The following SMG7 variants were observed in gnomAD, a reference collection of about 807,000 sequenced individuals.
SMG7 encodes the protein nonsense-mediated mRNA decay factor SMG7.
SMG7 carries 34 observed loss-of-function variants against 148.2 expected under a neutral mutation model. The observed-to-expected ratio is 0.23, with a 90% confidence interval of 0.17 to 0.31. The LOEUF (loss-of-function observed/expected upper bound fraction) is 0.31, where lower values mean the gene tolerates loss of function less well. Among genes scored for constraint, SMG7 ranks in the 10% least tolerant of loss-of-function variants. The probability of loss-of-function intolerance (pLI) is 1.00; values close to 1 mark genes in which losing one functional copy is unlikely to be tolerated. For missense variants in SMG7, 1,114 were observed against 1,408.4 expected, an observed-to-expected ratio of 0.79 and a Z score of 3.35; for synonymous variants, 492 against 515.1, an observed-to-expected ratio of 0.96 and a Z score of 0.61.
intron 9 of SMG7, 112 bp downstream of exon 9, chr1:183,533,438 A>C (rs982591638): frequency 1.7e-6 from 2 of 1,170,288 alleles, no homozygotes; most frequent in Non-Finnish European, 2.4e-6. Flanking sequence ...TATTTCTTAC[A>C]CTGAATCAGG....
chr1:183,543,486 A>G (rs951557500), intron 14 of SMG7, among the ~76,000 whole-genome samples: 1 of 151,262 alleles, frequency 6.6e-6, no homozygotes, highest in Non-Finnish European at 1.5e-5. Flanking sequence ...GGGAAAGGCA[A>G]GAAAAAAAAA....
At chr1:183,474,365 C>G (rs1223461001) in intron 1 of SMG7, among the ~76,000 whole-genome samples, 1 of 152,192 alleles carries the variant, frequency 6.6e-6, no homozygotes, top group Admixed American at 6.5e-5. Context: ...GAGTTCAAGA[C>G]CAGCCTGGCC....
rs751781277 is a variant in SMG7 at position 183,549,173 on chromosome 1, A to G, written c.2893-35A>G. Reference sequence around the variant, plus strand: ...GATTAATATTAAGAAAATAGAAGGTATAACTTAATTACCTTTTTTTCTGGG... The same window carrying G: ...GATTAATATTAAGAAAATAGAAGGTGTAACTTAATTACCTTTTTTTCTGGG... On this transcript the variant is annotated intron_variant, in intron 18 of 22. Transcript: ENST00000688051. 4 of 1,468,484 alleles carry G rather than the reference A, an allele frequency of 2.7e-6. No individual in the cohort carries two copies. In the African/African-American group the frequency reaches 5.6e-5, roughly 20 times the overall value. The allele number at this position is 1,468,484 out of a possible 1,614,324, so 91.0% of individuals were successfully genotyped here.
chr1:183,545,894 T>A, intron 16 of SMG7, 72 bp from the exon 17 acceptor site: 2 of 1,494,536 alleles, frequency 1.3e-6, no homozygotes, highest in Admixed American at 4.6e-5. Flanking sequence ...GTTCATTCTG[T>A]GATTCTTTAG....
intron 4 of SMG7, among the ~76,000 whole-genome samples, chr1:183,522,815 C>T (rs1665053917): frequency 6.6e-6 from 1 of 151,452 alleles, no homozygotes; most frequent in Non-Finnish European, 1.5e-5. Flanking sequence ...CTCACTCTAT[C>T]ATTTTGGCTG....
chr1:183,517,517 G>A (rs1001583938), intron 3 of SMG7, 171 bp from the exon 4 acceptor site: 1 of 682,052 alleles, frequency 1.5e-6, no homozygotes, highest in Admixed American at 2.1e-5. Context: ...TGCATGTCTA[G>A]TCTTGTTCAA....
At chr1:183,519,197 A>T (rs576123751) in intron 4 of SMG7, among the ~76,000 whole-genome samples, 1 of 152,330 alleles carries the variant, frequency 6.6e-6, no homozygotes, top group South Asian at 2.1e-4. Context: ...GTCTCAAAAA[A>T]AAGAATCCCT....
In SMG7 at chr1:183,544,416, C is replaced by A; in HGVS notation, c.1906C>A (p.Gln636Lys). The stretch of plus-strand genomic sequence containing the variant: ...TGAAGCCAGAAAAACACCTGTAACT[C>A]AAACCCCAACTCAAGCAAGTAACTC... ...VSEARKTPVT[Q>K]TPTQASNSQF... The change falls in exon 15 of 23, where the codon CAA (glutamine) becomes AAA (lysine). Residue 636 changes from glutamine to lysine, a missense_variant. By Grantham distance (53) the Gln-to-Lys change is moderately conservative (BLOSUM62 1). Coordinates refer to ENST00000688051, the MANE Select transcript of SMG7 (RefSeq NM_001375584.1). 1 of 1,613,916 alleles carries A rather than the reference C, an allele frequency of 6.2e-7. No individual in the cohort carries two copies. Among genetic ancestry groups the A allele is most frequent in the Non-Finnish European group, 8.5e-7 (1 of 1,179,828 alleles).
rs1413732984 is a variant in SMG7, at chr1:183,472,645, C to T, written c.25C>T (p.Leu9Phe). The change falls in exon 1 of 23, where the codon CTC (leucine) becomes TTC (phenylalanine). Residue 9 changes from leucine to phenylalanine, a missense_variant. Physicochemically the swap from Leu to Phe is conservative, Grantham distance 22. This residue lies in a region of SMG7 where 216 missense variants were observed against 329.1 expected (regional missense o/e 0.66). Transcript: ENST00000688051. MSLQSAQY[L>F]RQAEVLKADM... ...GATGAGCCTGCAGAGCGCGCAGTAC[C>T]TCCGGTGAGTGCCGAGGCCGGGCTG... 14 of 1,473,170 alleles carry T rather than the reference C, an allele frequency of 9.5e-6. No individual in the cohort carries two copies. The highest frequency in any genetic ancestry group is 2.6e-5 in the South Asian group (2 of 75,552). The allele number at this position is 1,473,170 out of a possible 1,614,324, so 91.3% of individuals were successfully genotyped here. A position where few individuals can be genotyped will look rare whatever the true frequency, so the allele number is the denominator to read the frequency against.
chr1:183,530,279 A>G (rs1666628230), intron 8 of SMG7, among the ~76,000 whole-genome samples: 1 of 152,140 alleles, frequency 6.6e-6, no homozygotes, highest in South Asian at 2.1e-4. Context: ...GCTTCATAGT[A>G]TTTCTGTAAG....
chr1:183,528,748 A>T, intron 6 of SMG7, 144 bp from the exon 7 acceptor site: 1 of 677,830 alleles, frequency 1.5e-6, no homozygotes, highest in Non-Finnish European at 2.5e-6. Context: ...GTTGGACCTT[A>T]CGCTGGTTTG....
intron 18 of SMG7, 49 bp from the exon 19 acceptor site, chr1:183,549,159 A>G: frequency 7.2e-7 from 1 of 1,380,658 alleles, no homozygotes; most frequent in East Asian, 2.3e-5. Context: ...ATTAATATTA[A>G]GAAAATAGAA....
chr1:183,542,214 T>C lies in SMG7; in HGVS notation c.1554T>C (p.Asp518=). The part of the protein sequence containing the change: ...ETSVIESLAA[D]GSPGLKSVLS... ...CTGTGATAGAGTCGCTGGCTGCAGATGGGAGCCCAGGGCTAAAATCAGTGC... is the reference window on the plus strand; with the variant it reads ...CTGTGATAGAGTCGCTGGCTGCAGACGGGAGCCCAGGGCTAAAATCAGTGC... Residue 518 remains aspartate (D), a synonymous_variant, in exon 14 of 23, where the codon GAT becomes GAC. Transcript: ENST00000688051. 1 of 1,614,084 alleles carries C rather than the reference T, an allele frequency of 6.2e-7. No homozygotes were observed. The highest frequency in any genetic ancestry group is 8.5e-7 in the Non-Finnish European group (1 of 1,179,982).
At chr1:183,473,445 G>C (rs776756955) in intron 1 of SMG7, among the ~76,000 whole-genome samples, 1 of 152,036 alleles carries the variant, frequency 6.6e-6, no homozygotes, top group South Asian at 2.1e-4. Flanking sequence ...GTGTGTCTGG[G>C]GTGGGGGGCG....
At chr1:183,529,071 T>C (rs779719390) in intron 7 of SMG7, 29 bp downstream of exon 7, 1 of 1,578,780 alleles carries the variant, frequency 6.3e-7, no homozygotes, top group Non-Finnish European at 8.6e-7. Context: ...TTTTTTCTCT[T>C]TCCAAGAGGA....
At chr1:183,486,963 A>T (rs1225837520) in intron 1 of SMG7, among the ~76,000 whole-genome samples, 1 of 152,240 alleles carries the variant, frequency 6.6e-6, no homozygotes, top group South Asian at 2.1e-4. Flanking sequence ...AGATGTAAGA[A>T]TTGAAGAATA....
chr1:183,474,929 G>A (rs75958659), intron 1 of SMG7, among the ~76,000 whole-genome samples: 16,990 of 152,238 alleles, frequency 0.11, 1,058 homozygotes, highest in Middle Eastern at 0.19. Context: ...GAAGCTGGGG[G>A]GAAGGGAGGT....
rs1459532882 is a variant in SMG7 at position 183,544,993 on chromosome 1, C to T, written c.2051C>T (p.Thr684Ile). ...GCATTTTCTATGGGCTCAGGTTACACCTTCCCAGCTGGTGTTTCTGTCCCA... is the reference window on the plus strand; with the variant it reads ...GCATTTTCTATGGGCTCAGGTTACATCTTCCCAGCTGGTGTTTCTGTCCCA... The part of the protein sequence containing the change: ...PVAFSMGSGY[T>I]FPAGVSVPGT... Residue 684 changes from threonine to isoleucine, a missense_variant, in exon 16 of 23, where the codon ACC becomes ATC. Physicochemically the swap from Thr to Ile is moderately conservative, Grantham distance 89. Around this residue, in one of 4 missense-constraint regions of SMG7, gnomAD observed 788 missense variants for 894.5 expected, o/e 0.88. Coordinates refer to ENST00000688051, the MANE Select transcript of SMG7 (RefSeq NM_001375584.1). 2 of 1,613,816 alleles carry T rather than the reference C, an allele frequency of 1.2e-6. No individual in the cohort carries two copies. Among genetic ancestry groups the T allele is most frequent in the Non-Finnish European group, 1.7e-6 (2 of 1,179,916 alleles).
chr1:183,535,929 C>T (rs1006851571), intron 10 of SMG7, among the ~76,000 whole-genome samples: 24 of 151,980 alleles, frequency 1.6e-4, no homozygotes, highest in Admixed American at 3.9e-4. Context: ...TTGTAGCAGA[C>T]GTTTATTCTT....
Sources: gnomAD v4.1 joint callset for allele counts (sites outside exome capture counted in the v4.1 genomes callset) on GRCh38, gnomAD v4.1.1 for gene constraint, gnomAD v4.1.1 regional missense constraint, MANE v1.5 for transcripts, NCBI Gene and HGNC (gene_info 2026-07-23, HGNC 2026-07-21) for gene names.